The following HABP4 variants were observed in gnomAD, a reference collection of about 807,000 sequenced individuals.
HABP4 encodes hyaluronan binding protein 4.
HABP4 carries 32 observed loss-of-function variants against 44.1 expected under a neutral mutation model. The ratio of observed to expected loss-of-function variants is 0.73; its 90% confidence interval spans 0.55 to 0.97. The LOEUF (loss-of-function observed/expected upper bound fraction) is 0.97. Ranked by LOEUF, HABP4 falls within the 50% of genes least tolerant of loss-of-function variation. The probability of loss-of-function intolerance (pLI) is 0.00; values close to 1 mark genes in which losing one functional copy is unlikely to be tolerated. For missense variants in HABP4, 503 were observed against 561.9 expected, an observed-to-expected ratio of 0.90 and a Z score of 1.06; for synonymous variants, 216 against 218.0, an observed-to-expected ratio of 0.99 and a Z score of 0.08.
rs1347646348 is a variant in HABP4, at chr9:96,465,284, A to G, written c.513-53A>G. On this transcript the variant is annotated intron_variant, in intron 2 of 7. Coordinates refer to ENST00000375249, the MANE Select transcript of HABP4 (RefSeq NM_014282.4). Reference sequence around the variant, plus strand: ...ATTTTCTTTTAGAATTTTTTTCTGGAGAGACCTTAGACCTTTAATTTACCA... The same window carrying G: ...ATTTTCTTTTAGAATTTTTTTCTGGGGAGACCTTAGACCTTTAATTTACCA... 3 of 1,160,786 alleles carry G rather than the reference A, an allele frequency of 2.6e-6. No homozygotes were observed. The African/African-American group carries it at 4.7e-5, about 18-fold the overall frequency. The allele number at this position is 1,160,786 out of a possible 1,614,324, so 71.9% of individuals were successfully genotyped here.
chr9:96,454,242 A>G (rs976867121), intron 1 of HABP4, among the ~76,000 whole-genome samples: 4 of 152,214 alleles, frequency 2.6e-5, no homozygotes, highest in East Asian at 3.8e-4. Context: ...TTTTAAAACT[A>G]TGGGTTGGAA....
In HABP4 at chr9:96,458,410, G is replaced by A. The variant is rs1832438409; in HGVS notation, c.381G>A (p.Gln127=). ...AGCGGACTCCTAGAAGAGGGGAGCAGCAAGGATGGAATGACAGCCGTGGGC... is the reference window on the plus strand; with the variant it reads ...AGCGGACTCCTAGAAGAGGGGAGCAACAAGGATGGAATGACAGCCGTGGGC... ...GQKRTPRRGE[Q]QGWNDSRGPE... is the part of the protein sequence containing the mutation. The change falls in exon 2 of 8, where the codon CAG becomes CAA. Residue 127 remains glutamine (Q), a synonymous_variant. Transcript: ENST00000375249. The A allele has an allele frequency of 6.2e-7, 1 of 1,613,944 alleles. No individual in the cohort carries two copies.
chr9:96,484,234 A>G (rs1832931220), intron 5 of HABP4: 2 of 396,298 alleles, frequency 5.0e-6, no homozygotes, highest in East Asian at 4.3e-5. Flanking sequence ...CCATTTTTCA[A>G]AGATTGATTT....
In HABP4 at chr9:96,458,559, C is replaced by T; in HGVS notation, c.512+18C>T. 6.3e-7 allele frequency: 1 copy of T among 1,577,808 alleles called. No individual in the cohort carries two copies. The highest frequency in any genetic ancestry group is 1.7e-5 in the Admixed American group (1 of 59,110). On this transcript the variant is annotated intron_variant, in intron 2 of 7. Transcript: ENST00000375249. ...GATGAAAAGTATGTGCTGCAGTCCTCAGCAGGGCGGGTGGGGAACCAGAAA... is the reference window on the plus strand; with the variant it reads ...GATGAAAAGTATGTGCTGCAGTCCTTAGCAGGGCGGGTGGGGAACCAGAAA...
At chr9:96,453,883 G>GA (rs1832329173) in intron 1 of HABP4, among the ~76,000 whole-genome samples, 2 of 151,726 alleles carry the variant, frequency 1.3e-5, no homozygotes, top group Non-Finnish European at 1.5e-5. Flanking sequence ...AAATTGTGGG[G>GA]AAAAAATTGG....
chr9:96,485,307 T>C (rs1832954035), intron 6 of HABP4, among the ~76,000 whole-genome samples: 1 of 152,204 alleles, frequency 6.6e-6, no homozygotes, highest in South Asian at 2.1e-4. Flanking sequence ...AGCCTCAGCC[T>C]TCTAAAGTGC....
At chr9:96,470,186 G>A (rs1364690303) in intron 4 of HABP4, among the ~76,000 whole-genome samples, 2 of 152,158 alleles carry the variant, frequency 1.3e-5, no homozygotes, top group Non-Finnish European at 2.9e-5. Context: ...GTGTGCGCCT[G>A]TAGTCCCAGC....
At chr9:96,489,852 C>A in intron 7 of HABP4, 130 bp from the exon 8 acceptor site, 1 of 716,138 alleles carries the variant, frequency 1.4e-6, no homozygotes, top group Non-Finnish European at 2.6e-6. Flanking sequence ...TGTGACTCTC[C>A]CCTTCCCACT....
chr9:96,475,000 A>G (rs1341587371), intron 5 of HABP4, among the ~76,000 whole-genome samples: 1 of 152,184 alleles, frequency 6.6e-6, no homozygotes, highest in Admixed American at 6.5e-5. Flanking sequence ...CTTTCATTAC[A>G]GAAGTATTAA....
chr9:96,475,964 A>G (rs901542729), intron 5 of HABP4, among the ~76,000 whole-genome samples: 1 of 152,220 alleles, frequency 6.6e-6, no homozygotes, highest in Admixed American at 6.5e-5. Flanking sequence ...TCTGGAACCT[A>G]CTTTCTTTGA....
intron 5 of HABP4, 56 bp from the exon 6 acceptor site, chr9:96,484,401 ATAAAG>A (rs1202805223): frequency 6.8e-6 from 5 of 736,452 alleles, no homozygotes; most frequent in Admixed American, 2.6e-5. Context: ...CTTTTTCTTT[ATAAAG>A]TAGACATTTT....
chr9:96,484,126 C>T (rs998848741), intron 5 of HABP4: 1 of 173,170 alleles, frequency 5.8e-6, no homozygotes, highest in Non-Finnish European at 1.2e-5. Context: ...TTTATTTCAA[C>T]CCATTGTCCA....
chr9:96,483,511 TGAG>T (rs1287209961), intron 5 of HABP4: 1 of 152,204 alleles, frequency 6.6e-6, no homozygotes, highest in Non-Finnish European at 1.5e-5. Context: ...CTCAGCCCCC[TGAG>T]TAGCTAGGAC....
chr9:96,451,183 G>A (rs1405106229), intron 1 of HABP4, among the ~76,000 whole-genome samples: 1 of 152,248 alleles, frequency 6.6e-6, no homozygotes, highest in African/African-American at 2.4e-5. Context: ...TTCTCCGTCC[G>A]GTAGCTTCCA....
At chr9:96,454,430 C>CTTTTCCAG (rs1183283941) in intron 1 of HABP4, among the ~76,000 whole-genome samples, 5 of 148,828 alleles carry the variant, frequency 3.4e-5, no homozygotes, top group Non-Finnish European at 5.9e-5. Context: ...TTTTGAATGC[C>CTTTTCCAG]TTTTCCAGTT....
At chr9:96,471,947 G>T (rs979613537) in intron 5 of HABP4, among the ~76,000 whole-genome samples, 1 of 152,016 alleles carries the variant, frequency 6.6e-6, no homozygotes, top group Non-Finnish European at 1.5e-5. Context: ...GTGCTACCAT[G>T]CCCGGCTAAT....
intron 4 of HABP4, among the ~76,000 whole-genome samples, chr9:96,467,494 TTC>T (rs1328279211): frequency 6.6e-6 from 1 of 151,222 alleles, no homozygotes; most frequent in Non-Finnish European, 1.5e-5. Context: ...TTCTTTCTCT[TTC>T]TCTTTTTCTT....
intron 5 of HABP4, among the ~76,000 whole-genome samples, chr9:96,476,401 C>T (rs1051723828): frequency 2.0e-5 from 3 of 152,160 alleles, no homozygotes; most frequent in Non-Finnish European, 2.9e-5. Flanking sequence ...TATAATTTCA[C>T]GTTTAGAAAC....
At chr9:96,462,145 CAA>C (rs757601268) in intron 2 of HABP4, among the ~76,000 whole-genome samples, 24 of 100,264 alleles carry the variant, frequency 2.4e-4, no homozygotes, top group Admixed American at 3.4e-4. Context: ...GATTCTGTCT[CAA>C]AAAAAAAAAA....
Sources: gnomAD v4.1 joint callset for allele counts (sites outside exome capture counted in the v4.1 genomes callset) on GRCh38, gnomAD v4.1.1 for gene constraint, MANE v1.5 for transcripts, NCBI Gene and HGNC (gene_info 2026-07-23, HGNC 2026-07-21) for gene names.